The following THOC2 variants were observed in gnomAD, a reference collection of about 807,000 sequenced individuals.
THOC2 encodes the protein THO complex subunit 2, also known as THO complex 2.
In THOC2, 10 loss-of-function variants were observed where a neutral mutation model predicts 128.4. The ratio of observed to expected loss-of-function variants is 0.08; its 90% CI spans 0.05 to 0.13. THOC2 has a LOEUF of 0.13. Among genes scored for constraint, THOC2 ranks in the 10% least tolerant of loss-of-function variants. The pLI is 1.00. For synonymous variants in THOC2, 393 were observed against 396.9 expected, an observed-to-expected ratio of 0.99 and a Z score of 0.12; for missense variants, 535 against 1,155.7, an observed-to-expected ratio of 0.46 and a Z score of 7.79.
intron 1 of THOC2, among the ~76,000 whole-genome samples, chrX:123,715,474 A>G (rs1267848842): frequency 9.0e-6 from 1 of 111,158 alleles, no homozygotes; most frequent in Non-Finnish European, 1.9e-5. Context: ...CAACTGAAAT[A>G]GAGAATTAAA....
intron 1 of THOC2, among the ~76,000 whole-genome samples, chrX:123,719,835 G>A (rs1294428412): frequency 4.6e-5 from 5 of 108,738 alleles, no homozygotes; most frequent in African/African-American, 1.7e-4. Context: ...AGGCTGAAGC[G>A]GGAGGATTGC....
intron 7 of THOC2, among the ~76,000 whole-genome samples, chrX:123,694,624 A>C (rs1201546128): frequency 9.1e-6 from 1 of 110,047 alleles, no homozygotes; most frequent in Non-Finnish European, 1.9e-5. Flanking sequence ...AAAAAAGAAA[A>C]AAAAAAGAGA....
chrX:123,652,583 G>C (rs1160896023), intron 12 of THOC2, among the ~76,000 whole-genome samples: 2 of 112,006 alleles, frequency 1.8e-5, no homozygotes, highest in African/African-American at 6.5e-5. Context: ...CCTCAGCAAA[G>C]TCTCAGGATA....
At chrX:123,659,498 G>A (rs752830470) in intron 12 of THOC2, among the ~76,000 whole-genome samples, 6 of 112,149 alleles carry the variant, frequency 5.4e-5, no homozygotes, top group Non-Finnish European at 1.1e-4. Context: ...TTGAACCCAG[G>A]AGGCGGAGGT....
intron 7 of THOC2, among the ~76,000 whole-genome samples, chrX:123,688,199 T>C (rs1471114147): frequency 3.6e-5 from 4 of 111,846 alleles, no homozygotes; most frequent in East Asian, 2.8e-4. Flanking sequence ...ACAATACTCC[T>C]CAAATGTCCA....
intron 1 of THOC2, among the ~76,000 whole-genome samples, chrX:123,730,879 G>A (rs1160106021): frequency 8.9e-6 from 1 of 112,035 alleles, no homozygotes; most frequent in African/African-American, 3.2e-5. Context: ...GGGAGGCGGA[G>A]GTTACGGTGA....
chrX:123,732,098 G>C (rs888393791), intron 1 of THOC2, among the ~76,000 whole-genome samples: 1 of 110,990 alleles, frequency 9.0e-6, no homozygotes, highest in South Asian at 3.9e-4. Flanking sequence ...GAGAAGACTA[G>C]GGGTATGGCA....
chrX:123,720,690 G>T (rs1231079784), intron 1 of THOC2, among the ~76,000 whole-genome samples: 1 of 110,835 alleles, frequency 9.0e-6, no homozygotes, highest in Non-Finnish European at 1.9e-5. Context: ...AGCAAATAAA[G>T]AAAACGTCAT....
intron 19 of THOC2, among the ~76,000 whole-genome samples, chrX:123,635,162 T>C (rs928904477): frequency 4.5e-5 from 5 of 111,560 alleles, no homozygotes; most frequent in African/African-American, 6.5e-5. Flanking sequence ...AAACAGTTTA[T>C]TTTTTCTTTA....
chrX:123,703,312 T>C (rs2050779170), intron 4 of THOC2, 142 bp downstream of exon 4: 1 of 356,282 alleles, frequency 2.8e-6, no homozygotes, highest in Non-Finnish European at 5.1e-6. Context: ...TTGACTTATA[T>C]TGCTATATTC....
rs955475684 is a variant in THOC2 at position 123,613,635 on chromosome X, C to G, written c.4519+4G>C. 8.3e-7 allele frequency: 1 copy of G among 1,207,714 alleles called. No homozygotes were observed. The highest frequency in any genetic ancestry group is 1.7e-5 in the African/African-American group (1 of 57,681). On this transcript the variant is annotated splice_donor_region_variant and intron_variant, in intron 35 of 38. Transcript: ENST00000245838. ...TCTTCAAAGATATGAATAAGTCTAC[C>G]TACTTGTTCCATTCTCCTCTTTACG...
intron 19 of THOC2, among the ~76,000 whole-genome samples, chrX:123,635,435 TTTTG>T (rs1448170952): frequency 8.9e-6 from 1 of 111,924 alleles, no homozygotes; most frequent in Non-Finnish European, 1.9e-5. Context: ...GCTTTTAATT[TTTTG>T]TTTGTTTGCT....
rs780567335 is a variant in THOC2 at position 123,721,453 on chromosome X, A to G, written c.72-8545T>C. Among the ~76,000 whole-genome samples the G allele has an allele frequency of 2.7e-3, 295 of 108,085 alleles. 1 individual carries two copies. Among genetic ancestry groups the G allele is most frequent in the Non-Finnish European group, 3.2e-3 (164 of 51,937 alleles). 93.9% of individuals were successfully genotyped at this position (108,085 alleles called of 115,157 possible). On this transcript the variant is annotated intron_variant, in intron 1 of 38. Coordinates refer to ENST00000245838, the MANE Select transcript of THOC2 (RefSeq NM_001081550.2). ...CTCCCAAACTGCTGGAATTACAGGA[A>G]TGAGCCACTGTGCCTGGGCAAGCAT...
chrX:123,724,209 G>C (rs1032554677), intron 1 of THOC2, among the ~76,000 whole-genome samples: 5 of 111,468 alleles, frequency 4.5e-5, no homozygotes, highest in African/African-American at 1.6e-4. Context: ...ATCATCCACA[G>C]AGAGATTATC....
intron 7 of THOC2, among the ~76,000 whole-genome samples, chrX:123,692,936 G>C (rs2050285592): frequency 9.0e-6 from 1 of 111,635 alleles, no homozygotes; most frequent in Non-Finnish European, 1.9e-5. Context: ...TGATGAAGGA[G>C]GTATTACCTG....
Position 123,605,907 on chromosome X carries a change from TG to T in THOC2, c.*19-4570del, listed in dbSNP as rs200766321. 9.1e-3 allele frequency among the ~76,000 whole-genome samples: 1,014 copies of T among 111,087 alleles called. 9 individuals carry two copies. Among genetic ancestry groups the T allele is most frequent in the African/African-American group, 0.031 (952 of 30,548 alleles). ...CGTGATGAAAACAAAAGAAACGAGC[TG>T]AGTGGGGACTGACGGAGGTGAACTG... On this transcript the variant is annotated intron_variant, in intron 38 of 38. Coordinates refer to ENST00000245838, the MANE Select transcript of THOC2 (RefSeq NM_001081550.2).
chrX:123,633,808 AG>A, intron 20 of THOC2, 144 bp downstream of exon 20: 2 of 377,242 alleles, frequency 5.3e-6, no homozygotes, highest in East Asian at 4.2e-5. Flanking sequence ...CAATTTCAAA[AG>A]GGGGGCAGGG....
intron 9 of THOC2, among the ~76,000 whole-genome samples, chrX:123,670,765 G>A (rs2049245586): frequency 8.9e-6 from 1 of 112,288 alleles, no homozygotes; most frequent in African/African-American, 3.2e-5. Flanking sequence ...AATCCCCCAA[G>A]ACAGATATGG....
intron 1 of THOC2, among the ~76,000 whole-genome samples, chrX:123,719,701 C>G (rs763390827): frequency 2.7e-5 from 3 of 110,041 alleles, no homozygotes; most frequent in Non-Finnish European, 5.7e-5. Flanking sequence ...ATTTGCAAGG[C>G]CGAGGCAGGA....
Sources: gnomAD v4.1 joint callset for allele counts (sites outside exome capture counted in the v4.1 genomes callset) on GRCh38, gnomAD v4.1.1 for gene constraint, MANE v1.5 for transcripts, NCBI Gene and HGNC (gene_info 2026-07-23, HGNC 2026-07-21) for gene names.